PXDNL: variants seen among roughly 807,000 people sequenced by gnomAD.
PXDNL encodes the protein peroxidasin like.
PXDNL carries 145 observed loss-of-function variants against 150.8 expected under a neutral mutation model. That is an observed-to-expected ratio of 0.96 (90% confidence interval 0.84 to 1.10). The LOEUF (loss-of-function observed/expected upper bound fraction) is 1.10, where lower values mean the gene tolerates loss of function less well. PXDNL is among the 50% of genes least tolerant of loss of function. The pLI, the probability that PXDNL is intolerant of heterozygous loss-of-function variation, is 0.00. For missense variants in PXDNL, 2,087 were observed against 1,873.9 expected (o/e 1.11, Z -2.10); for synonymous variants, 757 against 725.7 (o/e 1.04, Z -0.69).
intron 19 of PXDNL, among the ~76,000 whole-genome samples, chr8:51,368,064 G>T (rs1806974414): frequency 6.6e-6 from 1 of 152,166 alleles, no homozygotes; most frequent in South Asian, 2.1e-4. Context: ...GGAGGGAGAG[G>T]TTGCAGTGAG....
At chr8:51,474,001 G>C (rs16916355) in intron 7 of PXDNL, among the ~76,000 whole-genome samples, 31,113 of 152,122 alleles carry the variant, frequency 0.2, 4,280 homozygotes, top group African/African-American at 0.39. Context: ...ACTGTGGTTT[G>C]AACTGGAAGT....
At chr8:51,456,815 A>C (rs1028332368) in intron 9 of PXDNL, among the ~76,000 whole-genome samples, 7 of 152,214 alleles carry the variant, frequency 4.6e-5, no homozygotes, top group Admixed American at 1.3e-4. Flanking sequence ...AAATGCTGCA[A>C]ATCAGGGCTC....
chr8:51,671,611 A>G (rs1815500304), intron 1 of PXDNL, among the ~76,000 whole-genome samples: 1 of 152,206 alleles, frequency 6.6e-6, no homozygotes, highest in Non-Finnish European at 1.5e-5. Flanking sequence ...CCAGAAACTA[A>G]GTGGAACTGT....
At chr8:51,531,620 G>A (rs938501545) in intron 4 of PXDNL, among the ~76,000 whole-genome samples, 8 of 152,206 alleles carry the variant, frequency 5.3e-5, no homozygotes, top group African/African-American at 1.9e-4. Context: ...GATGGAGCAT[G>A]AGACACTGTG....
chr8:51,363,678 G>A (rs1563375132), intron 19 of PXDNL, among the ~76,000 whole-genome samples: 1 of 152,058 alleles, frequency 6.6e-6, no homozygotes, highest in Non-Finnish European at 1.5e-5. Context: ...GTATGTCTGT[G>A]GATTTCATTT....
chr8:51,807,709 C>T (rs4642637), intron 1 of PXDNL, among the ~76,000 whole-genome samples: 104,610 of 152,178 alleles, frequency 0.69, 42,409 homozygotes, highest in Non-Finnish European at 0.9. Context: ...GACAACATCA[C>T]TTCAGTTCTG....
chr8:51,497,093 A>T (rs1811069278), intron 5 of PXDNL, among the ~76,000 whole-genome samples: 5 of 152,178 alleles, frequency 3.3e-5, no homozygotes, highest in Admixed American at 3.3e-4. Context: ...AGAGACAGAG[A>T]CCTATGGAAC....
At chr8:51,342,466 A>T (rs1414153992) in intron 20 of PXDNL, among the ~76,000 whole-genome samples, 2 of 152,184 alleles carry the variant, frequency 1.3e-5, no homozygotes, top group Non-Finnish European at 2.9e-5. Flanking sequence ...AATCAGGAAA[A>T]ATGGTTCTTT....
chr8:51,428,716 A>G (rs1370560021), intron 12 of PXDNL, among the ~76,000 whole-genome samples: 1 of 152,238 alleles, frequency 6.6e-6, no homozygotes, highest in Non-Finnish European at 1.5e-5. Flanking sequence ...CTCGAAATGG[A>G]CAACAAACTT....
chr8:51,432,962 C>T (rs1386352551), intron 12 of PXDNL, among the ~76,000 whole-genome samples: 2 of 151,972 alleles, frequency 1.3e-5, no homozygotes, highest in East Asian at 3.9e-4. Flanking sequence ...AATCCCAGCA[C>T]TTTGGGAGGC....
intron 10 of PXDNL, among the ~76,000 whole-genome samples, chr8:51,450,607 A>G (rs1809785331): frequency 6.6e-6 from 1 of 152,218 alleles, no homozygotes; most frequent in African/African-American, 2.4e-5. Context: ...TGCAAGTACT[A>G]AAGAGTTTTT....
chr8:51,676,855 G>T (rs1815635683), intron 1 of PXDNL, among the ~76,000 whole-genome samples: 1 of 152,184 alleles, frequency 6.6e-6, no homozygotes, highest in South Asian at 2.1e-4. Context: ...AAAAGAAGAA[G>T]ATCAATAAGT....
intron 1 of PXDNL, among the ~76,000 whole-genome samples, chr8:51,724,039 G>T (rs1027247039): frequency 6.6e-6 from 1 of 150,846 alleles, no homozygotes; most frequent in African/African-American, 2.4e-5. Context: ...AGGGAGGCAT[G>T]GAGCGGAACA....
chr8:51,412,034 A>T (rs1563400962), intron 15 of PXDNL, among the ~76,000 whole-genome samples: 1 of 152,236 alleles, frequency 6.6e-6, no homozygotes, highest in South Asian at 2.1e-4. Context: ...CCTATTATTT[A>T]TCTTGTATCC....
chr8:51,380,002 T>C (rs1008898702), intron 17 of PXDNL, among the ~76,000 whole-genome samples: 2 of 152,140 alleles, frequency 1.3e-5, no homozygotes, highest in African/African-American at 4.8e-5. Context: ...TATTCTATTG[T>C]CTTAATTACT....
chr8:51,678,194 A>G (rs1045373398), intron 1 of PXDNL, among the ~76,000 whole-genome samples: 1 of 152,172 alleles, frequency 6.6e-6, no homozygotes, highest in African/African-American at 2.4e-5. Context: ...TAGGAGGCAT[A>G]TGGTGGATCT....
At chr8:51,639,299 A>C (rs1052835179) in intron 2 of PXDNL, among the ~76,000 whole-genome samples, 2 of 152,326 alleles carry the variant, frequency 1.3e-5, no homozygotes, top group Admixed American at 6.5e-5. Flanking sequence ...GAACTAGAAA[A>C]GCACGAGCAA....
chr8:51,751,370 C>G (rs771289561), intron 1 of PXDNL, among the ~76,000 whole-genome samples: 19 of 152,220 alleles, frequency 1.2e-4, no homozygotes, highest in Non-Finnish European at 2.4e-4. Context: ...TTCTTTTACA[C>G]ACTTTGTCCC....
At chr8:51,766,922 T>G (rs868475075) in intron 1 of PXDNL, among the ~76,000 whole-genome samples, 12 of 152,106 alleles carry the variant, frequency 7.9e-5, no homozygotes, top group African/African-American at 2.9e-4. Context: ...CTCCCTCATC[T>G]CCTTTTAGAA....
Sources: gnomAD v4.1 joint callset for allele counts (sites outside exome capture counted in the v4.1 genomes callset) on GRCh38, gnomAD v4.1.1 for gene constraint, MANE v1.5 for transcripts, NCBI Gene and HGNC (gene_info 2026-07-23, HGNC 2026-07-21) for gene names.